The following SLC24A3 variants were observed in gnomAD, a reference collection of about 807,000 sequenced individuals.
The protein encoded by SLC24A3 is sodium/potassium/calcium exchanger 3.
In SLC24A3, 28 loss-of-function variants were observed where a neutral mutation model predicts 75.8. The observed-to-expected ratio is 0.37, with a 90% CI of 0.27 to 0.51. SLC24A3 has a LOEUF of 0.51. Ranked by LOEUF, SLC24A3 falls within the 20% of genes least tolerant of loss-of-function variation. The probability of loss-of-function intolerance (pLI) is 0.94; values close to 1 mark genes in which losing one functional copy is unlikely to be tolerated. For synonymous variants in SLC24A3, 372 were observed against 334.1 expected (o/e 1.11, Z -1.24); for missense variants, 663 against 847.8 (o/e 0.78, Z 2.71).
chr20:19,693,136 A>G, intron 12 of SLC24A3, 123 bp from the exon 13 acceptor site: 1 of 1,016,070 alleles, frequency 9.8e-7, no homozygotes, highest in Non-Finnish European at 1.4e-6. Flanking sequence ...GAAAAAGAGC[A>G]ATATAATAAG....
chr20:19,584,447 G>A (rs1465777844), intron 4 of SLC24A3, among the ~76,000 whole-genome samples: 4 of 152,190 alleles, frequency 2.6e-5, no homozygotes, highest in Non-Finnish European at 4.4e-5. Context: ...GATCAGCATA[G>A]TATCACAAAA....
chr20:19,366,991 T>A (rs976025069), intron 2 of SLC24A3, among the ~76,000 whole-genome samples: 12 of 152,194 alleles, frequency 7.9e-5, no homozygotes, highest in Non-Finnish European at 1.5e-4. Context: ...TGGCCAGCCC[T>A]GATATCCAAA....
At chr20:19,350,972 C>T (rs1272839076) in intron 2 of SLC24A3, among the ~76,000 whole-genome samples, 2 of 152,218 alleles carry the variant, frequency 1.3e-5, no homozygotes, top group Non-Finnish European at 2.9e-5. Context: ...TTCTCTCCTC[C>T]TGTAGACTTT....
At chr20:19,469,420 T>C (rs1987827182) in intron 2 of SLC24A3, among the ~76,000 whole-genome samples, 1 of 152,172 alleles carries the variant, frequency 6.6e-6, no homozygotes, top group African/African-American at 2.4e-5. Flanking sequence ...AGAAGCTTCT[T>C]GGAGAACAAC....
chr20:19,281,822 A>G (rs2122225066), intron 2 of SLC24A3, among the ~76,000 whole-genome samples: 1 of 152,318 alleles, frequency 6.6e-6, no homozygotes, highest in South Asian at 2.1e-4. Context: ...TCGCATCTGT[A>G]GTGTATTCTT....
chr20:19,559,599 C>A (rs2030841930), intron 3 of SLC24A3, among the ~76,000 whole-genome samples: 1 of 151,978 alleles, frequency 6.6e-6, no homozygotes, highest in African/African-American at 2.4e-5. Context: ...CCTATATTTT[C>A]TTCTAGAGGA....
At chr20:19,717,900 A>C (rs2033060220) in intron 16 of SLC24A3, among the ~76,000 whole-genome samples, 1 of 152,242 alleles carries the variant, frequency 6.6e-6, no homozygotes, top group African/African-American at 2.4e-5. Flanking sequence ...GGTAGATTCC[A>C]ATTCATTGAT....
intron 2 of SLC24A3, among the ~76,000 whole-genome samples, chr20:19,329,911 T>C (rs1439413277): frequency 6.6e-6 from 1 of 152,176 alleles, no homozygotes; most frequent in Non-Finnish European, 1.5e-5. Context: ...TGTGAGCTGA[T>C]GTATGTGAAA....
chr20:19,285,215 C>T (rs139823704), intron 2 of SLC24A3, among the ~76,000 whole-genome samples: 29 of 152,276 alleles, frequency 1.9e-4, no homozygotes, highest in South Asian at 6.2e-4. Flanking sequence ...CGGTGACTCA[C>T]GCCTATAATC....
At chr20:19,476,430 T>C (rs1987962836) in intron 2 of SLC24A3, among the ~76,000 whole-genome samples, 1 of 152,086 alleles carries the variant, frequency 6.6e-6, no homozygotes, top group African/African-American at 2.4e-5. Flanking sequence ...TAGGAGAAAA[T>C]TAGGTGACTT....
At chr20:19,492,014 T>C (rs1281090827) in intron 2 of SLC24A3, among the ~76,000 whole-genome samples, 1 of 152,140 alleles carries the variant, frequency 6.6e-6, no homozygotes, top group Non-Finnish European at 1.5e-5. Flanking sequence ...AAGGTGCATG[T>C]GCTGGCTGTT....
intron 6 of SLC24A3, among the ~76,000 whole-genome samples, chr20:19,640,318 TA>T (rs1200942607): frequency 6.6e-6 from 1 of 152,160 alleles, no homozygotes; most frequent in Admixed American, 6.5e-5. Flanking sequence ...ACACCTGAAA[TA>T]AGGAAAAGGA....
At chr20:19,280,856 G>A in intron 1 of SLC24A3, 103 bp from the exon 2 acceptor site, 1 of 1,482,330 alleles carries the variant, frequency 6.7e-7, no homozygotes, top group Non-Finnish European at 9.1e-7. Flanking sequence ...GGTGCAGGCG[G>A]GGCTGAACAA....
chr20:19,566,250 A>C (rs979862473), intron 3 of SLC24A3, among the ~76,000 whole-genome samples: 1 of 152,214 alleles, frequency 6.6e-6, no homozygotes, highest in African/African-American at 2.4e-5. Context: ...TTGTATCTAG[A>C]AGCCCAGCTT....
At chr20:19,341,232 T>TG (rs961938742) in intron 2 of SLC24A3, among the ~76,000 whole-genome samples, 2 of 152,230 alleles carry the variant, frequency 1.3e-5, no homozygotes, top group African/African-American at 4.8e-5. Context: ...GACAGCAGCC[T>TG]GGAGAGGTTA....
intron 2 of SLC24A3, among the ~76,000 whole-genome samples, chr20:19,342,799 G>A (rs1424765047): frequency 6.6e-6 from 1 of 152,156 alleles, no homozygotes; most frequent in Non-Finnish European, 1.5e-5. Context: ...CGCCGGGCAC[G>A]GTGGCCCACG....
At chr20:19,658,117 A>T (rs966019371) in intron 7 of SLC24A3, among the ~76,000 whole-genome samples, 13 of 152,178 alleles carry the variant, frequency 8.5e-5, no homozygotes, top group African/African-American at 3.1e-4. Context: ...GCAGGACCAG[A>T]TGCTGTTCTG....
chr20:19,580,707 T>C (rs1278482645), intron 4 of SLC24A3, among the ~76,000 whole-genome samples: 2 of 152,268 alleles, frequency 1.3e-5, no homozygotes, highest in Non-Finnish European at 2.9e-5. Flanking sequence ...CTTTCATCTC[T>C]GTCTGTTTGG....
intron 2 of SLC24A3, among the ~76,000 whole-genome samples, chr20:19,358,605 T>G (rs1985732031): frequency 6.6e-6 from 1 of 152,218 alleles, no homozygotes; most frequent in Non-Finnish European, 1.5e-5. Flanking sequence ...ACTTATATCT[T>G]CCTTTTAAGA....
Sources: allele counts gnomAD v4.1 joint callset (sites outside exome capture counted in the v4.1 genomes callset), GRCh38; gene constraint gnomAD v4.1.1; transcripts MANE v1.5; gene names NCBI Gene and HGNC (gene_info 2026-07-23, HGNC 2026-07-21).